WWTR1: variants seen among roughly 807,000 people sequenced by gnomAD.
The protein encoded by WWTR1 is WW domain containing transcription regulator 1, also known as WW domain-containing transcription regulator protein 1.
WWTR1 carries 13 observed loss-of-function variants against 40.1 expected under a neutral mutation model. The observed-to-expected ratio is 0.32, with a 90% CI of 0.21 to 0.52. WWTR1 has a LOEUF of 0.52. WWTR1 is among the 20% of genes least tolerant of loss of function. WWTR1 has a pLI of 0.97. For synonymous variants in WWTR1, 230 were observed against 210.1 expected (o/e 1.09, Z -0.82); for missense variants, 436 against 523.1 (o/e 0.83, Z 1.63).
At chr3:149,539,169 A>T (rs1735971599) in intron 4 of WWTR1, among the ~76,000 whole-genome samples, 1 of 152,216 alleles carries the variant, frequency 6.6e-6, no homozygotes, top group Non-Finnish European at 1.5e-5. Flanking sequence ...ATGGCACAAC[A>T]TCATCAAACT....
At chr3:149,544,920 T>C (rs1330399223) in intron 3 of WWTR1, among the ~76,000 whole-genome samples, 2 of 152,168 alleles carry the variant, frequency 1.3e-5, no homozygotes, top group African/African-American at 2.4e-5. Flanking sequence ...TATCAGTGTA[T>C]ATTGCCTAGA....
At chr3:149,704,848 T>TAA (rs78568310), upstream of WWTR1, among the ~76,000 whole-genome samples, 2 of 122,870 alleles carry the variant, frequency 1.6e-5, no homozygotes, top group East Asian at 2.3e-4. Context: ...ACACAAAAGT[T>TAA]AAAAAAAAAA....
At chr3:149,583,974 A>G (rs150728024) in intron 2 of WWTR1, among the ~76,000 whole-genome samples, 2 of 152,342 alleles carry the variant, frequency 1.3e-5, no homozygotes, top group African/African-American at 2.4e-5. Context: ...AATCAGCTTC[A>G]ATCTCACAAT....
intron 3 of WWTR1, among the ~76,000 whole-genome samples, chr3:149,565,055 G>A (rs546137209): frequency 3.9e-5 from 6 of 152,140 alleles, no homozygotes; most frequent in African/African-American, 1.4e-4. Flanking sequence ...GGGTGTGGTG[G>A]TGGGCACCTA....
intron 2 of WWTR1, among the ~76,000 whole-genome samples, chr3:149,626,059 T>C (rs1012046168): frequency 3.3e-5 from 5 of 152,196 alleles, no homozygotes; most frequent in Non-Finnish European, 5.9e-5. Context: ...TAGCAATGAC[T>C]GCAAGGTAAT....
intron 2 of WWTR1, among the ~76,000 whole-genome samples, chr3:149,642,648 G>A (rs1311731931): frequency 2.0e-5 from 3 of 151,858 alleles, no homozygotes; most frequent in South Asian, 2.1e-4. Context: ...GGTTGCAAGC[G>A]CCTGTAGTAC....
At chr3:149,697,567 G>C (rs1028824949) in intron 1 of WWTR1, among the ~76,000 whole-genome samples, 2 of 152,030 alleles carry the variant, frequency 1.3e-5, no homozygotes, top group Admixed American at 6.6e-5. Context: ...ACCAACACCG[G>C]AGATTACATT....
chr3:149,614,403 T>G (rs952001443), intron 2 of WWTR1, among the ~76,000 whole-genome samples: 3 of 152,256 alleles, frequency 2.0e-5, no homozygotes, highest in African/African-American at 7.2e-5. Context: ...TTTTGTAGCT[T>G]AGGAGCAATA....
intron 1 of WWTR1, among the ~76,000 whole-genome samples, chr3:149,696,112 CAA>C (rs368629673): frequency 1.3e-5 from 1 of 77,130 alleles, no homozygotes. Flanking sequence ...GACTCTGTCT[CAA>C]AAAAAAAAAA....
intron 4 of WWTR1, among the ~76,000 whole-genome samples, chr3:149,718,395 C>G (rs1407037876): frequency 6.6e-6 from 1 of 152,228 alleles, no homozygotes; most frequent in Non-Finnish European, 1.5e-5. Context: ...TTCACACAGG[C>G]TCAACAGCTC....
rs1735289949 is a variant in WWTR1, at chr3:149,526,036, C to T, written c.995G>A (p.Ser332Asn). Residue 332 changes from serine to asparagine, a missense_variant, in exon 6 of 7, where the codon AGC becomes AAC. By Grantham distance (46) the Ser-to-Asn change is conservative (BLOSUM62 1). Transcript: ENST00000360632. ...ACCTGTATCCATCTCATCCACATTG[C>T]TGAGGAAGTCCTCCGGAGTTGTGGG... ...SVPTTPEDFL[S>N]NVDEMDTGEN... The T allele has an allele frequency of 1.9e-6, 3 of 1,606,296 alleles. No individual in the cohort carries two copies. In the South Asian group the frequency reaches 3.3e-5, roughly 18 times the overall value.
intron 2 of WWTR1, among the ~76,000 whole-genome samples, chr3:149,580,090 C>G (rs115389565): frequency 0.013 from 2,055 of 152,294 alleles, 22 homozygotes; most frequent in Non-Finnish European, 0.022. Flanking sequence ...TACAAGTATG[C>G]AAAAGGTGGT....
chr3:149,677,204 C>T (rs1020365196), intron 1 of WWTR1, among the ~76,000 whole-genome samples: 1 of 152,164 alleles, frequency 6.6e-6, no homozygotes, highest in African/African-American at 2.4e-5. Flanking sequence ...GAGTGAGCCA[C>T]CGCACCCGGC....
At chr3:149,583,957 A>G (rs952363961) in intron 2 of WWTR1, among the ~76,000 whole-genome samples, 1 of 152,236 alleles carries the variant, frequency 6.6e-6, no homozygotes, top group Non-Finnish European at 1.5e-5. Context: ...TGCATCTAAC[A>G]TCTAGGAATC....
intron 3 of WWTR1, among the ~76,000 whole-genome samples, chr3:149,566,828 C>A (rs544294957): frequency 0.014 from 1,990 of 145,600 alleles, 18 homozygotes; most frequent in East Asian, 0.043. Context: ...AAAAAAAAAA[C>A]ACACATGTGT....
chr3:149,652,066 A>G (rs1319597846), intron 2 of WWTR1, among the ~76,000 whole-genome samples: 1 of 134,962 alleles, frequency 7.4e-6, no homozygotes, highest in East Asian at 2.2e-4. Flanking sequence ...GATGATCTCC[A>G]TCTCCTGACC....
intron 3 of WWTR1, among the ~76,000 whole-genome samples, chr3:149,552,318 C>G (rs1373354798): frequency 9.2e-6 from 1 of 109,136 alleles, no homozygotes; most frequent in African/African-American, 3.8e-5. Flanking sequence ...CTGATTAAGG[C>G]ACAGAGTAGG....
At position 149,520,542 on chromosome 3, in the gene WWTR1, T is replaced by A. The variant is rs1304429902; in HGVS notation, c.*263A>T. ...AGAAAGAGAAAAGTATTCTGCATAA[T>A]CAATCCTGCAGACACAATTCTGTAT... On this transcript the variant is annotated 3_prime_UTR_variant, in exon 7 of 7. Transcript: ENST00000360632. The A allele has an allele frequency of 6.4e-6, 2 of 314,204 alleles. No individual in the cohort carries two copies. Among genetic ancestry groups the A allele is most frequent in the Non-Finnish European group, 1.1e-5 (2 of 174,660 alleles). 19.5% of individuals were successfully genotyped at this position (314,204 alleles called of 1,614,324 possible).
At chr3:149,652,136 C>T (rs1429553257) in intron 2 of WWTR1, among the ~76,000 whole-genome samples, 2 of 151,620 alleles carry the variant, frequency 1.3e-5, no homozygotes, top group Non-Finnish European at 2.9e-5. Context: ...AGCCACTGCG[C>T]CCGGCCTTAT....
Sources: allele counts gnomAD v4.1 joint callset (sites outside exome capture counted in the v4.1 genomes callset), GRCh38; gene constraint gnomAD v4.1.1; transcripts MANE v1.5; gene names NCBI Gene and HGNC (gene_info 2026-07-23, HGNC 2026-07-21).